The following PRKAR2B variants were observed in gnomAD, a reference collection of about 807,000 sequenced individuals.
PRKAR2B encodes cAMP-dependent protein kinase type II-beta regulatory subunit.
A neutral mutation model predicts 49.9 loss-of-function variants in PRKAR2B; 14 were observed. The observed-to-expected ratio is 0.28, with a 90% CI of 0.19 to 0.44. The LOEUF is 0.44. PRKAR2B is among the 20% of genes least tolerant of loss of function. The pLI is 1.00. For missense variants in PRKAR2B, 393 were observed against 537.9 expected, an observed-to-expected ratio of 0.73 and a Z score of 2.67; for synonymous variants, 196 against 197.7, an observed-to-expected ratio of 0.99 and a Z score of 0.07.
chr7:107,051,104 A>G (rs186218312), intron 1 of PRKAR2B, among the ~76,000 whole-genome samples: 141 of 152,334 alleles, frequency 9.3e-4, no homozygotes, highest in Middle Eastern at 3.4e-3. Flanking sequence ...CCTTATCCAA[A>G]TTTGGTAGGT....
At chr7:107,101,563 C>G (rs984640564) in intron 2 of PRKAR2B, among the ~76,000 whole-genome samples, 1 of 152,212 alleles carries the variant, frequency 6.6e-6, no homozygotes, top group Admixed American at 6.5e-5. Context: ...GCCTCATTTT[C>G]TGTTAAATTT....
chr7:107,099,798 C>G (rs1051981969), intron 2 of PRKAR2B, among the ~76,000 whole-genome samples: 3 of 152,002 alleles, frequency 2.0e-5, no homozygotes, highest in Admixed American at 2.0e-4. Context: ...CCATGCCTGG[C>G]TAATTTTTTG....
intron 5 of PRKAR2B, among the ~76,000 whole-genome samples, chr7:107,144,053 CTTATTTAT>C (rs60565381): frequency 0.048 from 6,905 of 143,434 alleles, 197 homozygotes; most frequent in Middle Eastern, 0.074. Flanking sequence ...CAATTCTTTT[CTTATTTAT>C]TTATTTATTT....
At chr7:107,067,781 A>G (rs988698770) in intron 1 of PRKAR2B, among the ~76,000 whole-genome samples, 8 of 152,234 alleles carry the variant, frequency 5.3e-5, no homozygotes, top group Non-Finnish European at 7.3e-5. Context: ...ATGAACATCT[A>G]TTAGTAAAAT....
At chr7:107,100,814 C>T (rs951014944) in intron 2 of PRKAR2B, among the ~76,000 whole-genome samples, 14 of 151,014 alleles carry the variant, frequency 9.3e-5, no homozygotes, top group Non-Finnish European at 1.6e-4. Context: ...TTTTTAACTC[C>T]AGAACTTGCT....
intron 4 of PRKAR2B, among the ~76,000 whole-genome samples, chr7:107,137,668 CTG>C (rs1795722425): frequency 6.6e-6 from 1 of 152,140 alleles, no homozygotes; most frequent in Non-Finnish European, 1.5e-5. Flanking sequence ...CACCGGAAGT[CTG>C]TGTGAGAATG....
In PRKAR2B at chr7:107,157,225, G is replaced by A. The variant is rs1269115229; in HGVS notation, c.1024G>A (p.Ala342Thr). ...EVEENGAVEI[A>T]RCSRGQYFGE... is the part of the protein sequence containing the mutation. ...GGAAGAGAATGGTGCAGTAGAAATC[G>A]CTCGATGCTCGCGGGGACAGTACTT... is the stretch of plus-strand genomic sequence containing the variant. The change falls in exon 10 of 11, where the codon GCT becomes ACT. Residue 342 changes from alanine to threonine, a missense_variant. By Grantham distance (58) the Ala-to-Thr change is moderately conservative (BLOSUM62 0). Coordinates refer to ENST00000265717, the MANE Select transcript of PRKAR2B (RefSeq NM_002736.3). The A allele has an allele frequency of 5.6e-6, 9 of 1,614,098 alleles. No individual in the cohort carries two copies. The highest frequency in any genetic ancestry group is 2.2e-5 in the East Asian group (1 of 44,878).
intron 4 of PRKAR2B, among the ~76,000 whole-genome samples, chr7:107,132,310 C>T (rs983053679): frequency 3.9e-5 from 6 of 152,168 alleles, no homozygotes; most frequent in African/African-American, 7.2e-5. Context: ...CATTCTTTCT[C>T]GAATGCTATG....
intron 1 of PRKAR2B, among the ~76,000 whole-genome samples, chr7:107,050,362 T>TC (rs1491561523): frequency 6.6e-5 from 9 of 135,672 alleles, no homozygotes; most frequent in African/African-American, 2.5e-4. Context: ...TTTTTTTTTT[T>TC]GTGGATGCAC....
chr7:107,097,036 C>T (rs1794852849), intron 2 of PRKAR2B, among the ~76,000 whole-genome samples: 1 of 152,264 alleles, frequency 6.6e-6, no homozygotes, highest in Non-Finnish European at 1.5e-5. Flanking sequence ...CTGCTTGGTG[C>T]AGAGCTGAGT....
At chr7:107,047,556 G>A (rs550315327) in intron 1 of PRKAR2B, among the ~76,000 whole-genome samples, 1 of 151,244 alleles carries the variant, frequency 6.6e-6, no homozygotes, top group Non-Finnish European at 1.5e-5. Context: ...AGTCAAAATA[G>A]TACCATTGGG....
intron 1 of PRKAR2B, among the ~76,000 whole-genome samples, chr7:107,050,447 C>A (rs970693239): frequency 4.3e-5 from 6 of 138,954 alleles, no homozygotes; most frequent in Non-Finnish European, 9.1e-5. Context: ...AAATCTCATT[C>A]CATGGATTCC....
chr7:107,053,668 G>GTT (rs940158850), intron 1 of PRKAR2B, among the ~76,000 whole-genome samples: 1 of 151,998 alleles, frequency 6.6e-6, no homozygotes, highest in Non-Finnish European at 1.5e-5. Flanking sequence ...GTAAAACTAC[G>GTT]TTACCTGAAG....
At chr7:107,106,028 C>T (rs1188421155) in intron 2 of PRKAR2B, among the ~76,000 whole-genome samples, 1 of 152,132 alleles carries the variant, frequency 6.6e-6, no homozygotes, top group African/African-American at 2.4e-5. Context: ...CTCCTAATGT[C>T]AGGAGCAGAT....
chr7:107,084,093 A>G (rs1247930050), intron 2 of PRKAR2B, among the ~76,000 whole-genome samples: 2 of 152,162 alleles, frequency 1.3e-5, no homozygotes, highest in Non-Finnish European at 2.9e-5. Flanking sequence ...GTTATGTTAA[A>G]TATTTTTTTG....
At chr7:107,051,398 A>G (rs528439206) in intron 1 of PRKAR2B, among the ~76,000 whole-genome samples, 1 of 152,142 alleles carries the variant, frequency 6.6e-6, no homozygotes, top group African/African-American at 2.4e-5. Context: ...GATTTTTCTG[A>G]ATTGAATGAA....
intron 1 of PRKAR2B, among the ~76,000 whole-genome samples, chr7:107,050,624 C>T (rs1014427070): frequency 6.6e-6 from 1 of 151,892 alleles, no homozygotes; most frequent in African/African-American, 2.4e-5. Context: ...TAATAAAGTC[C>T]TACAGTGGAG....
rs981277073 is a variant in PRKAR2B, at chr7:107,060,723, CTTTTCATTTTGT to C, written c.308-9555_308-9544del. 1.4e-3 allele frequency among the ~76,000 whole-genome samples: 210 copies of C among 146,902 alleles called. 1 individual carries two copies. The highest frequency in any genetic ancestry group is 8.3e-4 in the Non-Finnish European group (56 of 67,262). On this transcript the variant is annotated intron_variant, in intron 1 of 10. Coordinates refer to ENST00000265717, the MANE Select transcript of PRKAR2B (RefSeq NM_002736.3). ...AAAAATCTCCCAATCTTAGGTTTGT[CTTTTCATTTTGT>C]TTACAATAACTTTGAACATAATTTT...
chr7:107,119,372 C>G (rs1001349050), intron 2 of PRKAR2B, among the ~76,000 whole-genome samples: 1 of 152,196 alleles, frequency 6.6e-6, no homozygotes, highest in African/African-American at 2.4e-5. Context: ...ATGCTCTGCT[C>G]TTGTTGTCCT....
Sources: gnomAD v4.1 joint callset for allele counts (sites outside exome capture counted in the v4.1 genomes callset) on GRCh38, gnomAD v4.1.1 for gene constraint, MANE v1.5 for transcripts, NCBI Gene and HGNC (gene_info 2026-07-23, HGNC 2026-07-21) for gene names.